Variants in CERT1 observed in about 807,000 individuals in gnomAD.
CERT1 encodes the protein ceramide transfer protein.
Under a neutral mutation model 87.9 loss-of-function variants are expected in CERT1, and 31 were observed. That is an observed-to-expected ratio of 0.35 (90% CI 0.27 to 0.48). CERT1 has a LOEUF of 0.48. CERT1 is among the 20% of genes least tolerant of loss of function. The pLI, the probability that CERT1 is intolerant of heterozygous loss-of-function variation, is 0.99. For missense variants in CERT1, 487 were observed against 758.0 expected, an observed-to-expected ratio of 0.64 and a Z score of 4.20; for synonymous variants, 289 against 250.9, an observed-to-expected ratio of 1.15 and a Z score of -1.44.
rs984528993 is a variant in CERT1 at position 75,447,478 on chromosome 5, T to A, written c.348+11587A>T. Reference sequence around the variant, plus strand: ...TATTTATTTATTTATTTATTTATTTTTTATTTTTTTGAGACGGAGTTTCGC... The same window carrying A: ...TATTTATTTATTTATTTATTTATTTATTATTTTTTTGAGACGGAGTTTCGC... On this transcript the variant is annotated intron_variant, in intron 3 of 16. Coordinates refer to ENST00000643780, the MANE Select transcript of CERT1 (RefSeq NM_001379029.1). 8.1e-5 allele frequency among the ~76,000 whole-genome samples: 9 copies of A among 111,398 alleles called. No individual in the cohort carries two copies. The South Asian group carries it at 1.8e-3, about 22-fold the overall frequency. The allele number at this position is 111,398 out of a possible 152,430, so 73.1% of individuals were successfully genotyped here.
rs111410252 is a variant in CERT1 at position 75,417,019 on chromosome 5, T to C, written c.694A>G (p.Thr232Ala). Reference protein sequence around the residue: ...GNKEKLFPHVTPKGINGIDFK... With the variant: ...GNKEKLFPHVAPKGINGIDFK... ...TCTATACCATTAATTCCTTTTGGTG[T>C]CACATGTGGAAATACTGAAAATGAA... The change falls in exon 7 of 17, where the codon ACA (threonine) becomes GCA (alanine). Residue 232 changes from threonine to alanine, a missense_variant. Around this residue, in one of 8 missense-constraint regions of CERT1, gnomAD observed 173 missense variants for 302.2 expected, o/e 0.57. Coordinates refer to ENST00000643780, the MANE Select transcript of CERT1 (RefSeq NM_001379029.1). 1.9e-6 allele frequency: 3 copies of C among 1,601,392 alleles called. No individual in the cohort carries two copies. The highest frequency in any genetic ancestry group is 2.6e-6 in the Non-Finnish European group (3 of 1,172,596).
At chr5:75,380,975 G>T in intron 16 of CERT1, 97 bp downstream of exon 16, 2 of 1,275,710 alleles carry the variant, frequency 1.6e-6, no homozygotes, top group Non-Finnish European at 2.2e-6. Flanking sequence ...TAATCTAATG[G>T]ATAAGAACTA....
chr5:75,423,421 T>A (rs1051769492), intron 5 of CERT1, among the ~76,000 whole-genome samples: 7 of 152,240 alleles, frequency 4.6e-5, no homozygotes, highest in African/African-American at 1.2e-4. Context: ...ACCAAAACCT[T>A]TAATAAAAGT....
chr5:75,506,570 CG>C (rs1225320929), intron 1 of CERT1, among the ~76,000 whole-genome samples: 1 of 152,126 alleles, frequency 6.6e-6, no homozygotes, highest in Admixed American at 6.5e-5. Context: ...TCTAAATCAA[CG>C]GAAGTATAAA....
At chr5:75,443,406 C>T (rs915609624) in intron 3 of CERT1, among the ~76,000 whole-genome samples, 1 of 152,138 alleles carries the variant, frequency 6.6e-6, no homozygotes, top group Non-Finnish European at 1.5e-5. Flanking sequence ...TTATTCAACT[C>T]TAAGCATTTT....
At chr5:75,394,955 T>C (rs1762187017) in intron 11 of CERT1, among the ~76,000 whole-genome samples, 1 of 152,216 alleles carries the variant, frequency 6.6e-6, no homozygotes, top group Non-Finnish European at 1.5e-5. Flanking sequence ...TAAACTATTA[T>C]TTTAATTTTA....
At chr5:75,458,952 A>G (rs1347824359) in intron 3 of CERT1, 113 bp downstream of exon 3, 1 of 661,960 alleles carries the variant, frequency 1.5e-6, no homozygotes, top group African/African-American at 1.8e-5. Context: ...TTTATCATCC[A>G]AATAATGTTC....
chr5:75,468,113 A>C (rs1459703586), intron 2 of CERT1, among the ~76,000 whole-genome samples: 1 of 152,198 alleles, frequency 6.6e-6, no homozygotes, highest in Non-Finnish European at 1.5e-5. Flanking sequence ...AATGAAACAA[A>C]TTAATGTTAT....
At position 75,429,764 on chromosome 5, in the gene CERT1, T is replaced by A. The variant is rs369518613; in HGVS notation, c.349-3286A>T. ...AACAGTTAAGAGCCCATGGTCACCA[T>A]AAAGTTTGGTTCCTGGCAGTGTTAA... On this transcript the variant is annotated intron_variant, in intron 3 of 16. Coordinates refer to ENST00000643780, the MANE Select transcript of CERT1 (RefSeq NM_001379029.1). 2.6e-4 allele frequency among the ~76,000 whole-genome samples: 38 copies of A among 148,310 alleles called. No homozygotes were observed. The East Asian group carries it at 7.4e-3, about 29-fold the overall frequency.
At chr5:75,506,946 C>A (rs1160085881) in intron 1 of CERT1, among the ~76,000 whole-genome samples, 1 of 152,256 alleles carries the variant, frequency 6.6e-6, no homozygotes, top group East Asian at 1.9e-4. Context: ...ATGTTTTTAT[C>A]TATGCTCTGG....
chr5:75,435,462 G>T (rs942076158), intron 3 of CERT1, among the ~76,000 whole-genome samples: 2 of 152,134 alleles, frequency 1.3e-5, no homozygotes, highest in Non-Finnish European at 2.9e-5. Flanking sequence ...GCCATTGCTG[G>T]GGAGCTAGGT....
intron 2 of CERT1, among the ~76,000 whole-genome samples, chr5:75,491,062 G>C (rs906811151): frequency 6.6e-6 from 1 of 152,088 alleles, no homozygotes; most frequent in Non-Finnish European, 1.5e-5. Flanking sequence ...TACGGGATTA[G>C]AGGAATTTTC....
intron 3 of CERT1, among the ~76,000 whole-genome samples, chr5:75,445,172 G>C (rs1301207769): frequency 6.6e-6 from 1 of 152,142 alleles, no homozygotes; most frequent in Non-Finnish European, 1.5e-5. Flanking sequence ...AATACTATTA[G>C]CTTTTAGACT....
chr5:75,502,112 A>G (rs923127994), intron 2 of CERT1, among the ~76,000 whole-genome samples: 5 of 152,116 alleles, frequency 3.3e-5, no homozygotes, highest in Non-Finnish European at 7.4e-5. Context: ...AAGAGTTTCT[A>G]CAAGCCAAAA....
In CERT1 at chr5:75,371,616, A is replaced by G. The variant is rs1471107470; in HGVS notation, c.*10-2958T>C. The G allele has an allele frequency of 2.0e-5, 3 of 152,240 alleles. No individual in the cohort carries two copies. In the East Asian group the frequency reaches 5.8e-4, roughly 29 times the overall value. 9.4% of individuals were successfully genotyped at this position (152,240 alleles called of 1,614,324 possible). A position where few individuals can be genotyped will look rare whatever the true frequency, so the allele number is the denominator to read the frequency against. ...CCAAGTACTGCAGTGATCATCCTCT[A>G]CCTCAAAACCAGGAGTCCTGAATTC... is the stretch of plus-strand genomic sequence containing the variant. On this transcript the variant is annotated intron_variant, in intron 17 of 17. Transcript: ENST00000261415.
At chr5:75,434,594 A>C (rs373535347) in intron 3 of CERT1, among the ~76,000 whole-genome samples, 66 of 151,646 alleles carry the variant, frequency 4.4e-4, no homozygotes, top group African/African-American at 1.5e-3. Context: ...ATCTGGTAGA[A>C]TAGAGCTATG....
At chr5:75,394,332 A>AC (rs367895585) in intron 11 of CERT1, among the ~76,000 whole-genome samples, 2 of 151,874 alleles carry the variant, frequency 1.3e-5, no homozygotes, top group South Asian at 2.1e-4. Context: ...ACACAGTGAG[A>AC]CCCCCATATC....
intron 7 of CERT1, among the ~76,000 whole-genome samples, chr5:75,414,854 T>C (rs906955253): frequency 5.9e-5 from 9 of 152,132 alleles, no homozygotes; most frequent in Middle Eastern, 3.2e-3. Context: ...CATCACTGTT[T>C]TCCCATTCCT....
At chr5:75,429,019 T>G (rs1763750102) in intron 3 of CERT1, among the ~76,000 whole-genome samples, 1 of 151,932 alleles carries the variant, frequency 6.6e-6, no homozygotes, top group Non-Finnish European at 1.5e-5. Flanking sequence ...ATTCAATGTT[T>G]TAGCCATCTA....
Sources: allele counts gnomAD v4.1 joint callset (sites outside exome capture counted in the v4.1 genomes callset), GRCh38; gene constraint gnomAD v4.1.1; regional missense constraint gnomAD v4.1.1; transcripts MANE v1.5; gene names NCBI Gene and HGNC (gene_info 2026-07-23, HGNC 2026-07-21).